NKAIN2: variants seen among roughly 807,000 people sequenced by gnomAD.
NKAIN2 encodes the protein sodium/potassium transporting ATPase interacting 2.
In NKAIN2, 14 loss-of-function variants were observed where a neutral mutation model predicts 32.6. That is an observed-to-expected ratio of 0.43 (90% CI 0.28 to 0.67). The LOEUF is 0.67. Ranked by LOEUF, NKAIN2 falls within the 30% of genes least tolerant of loss-of-function variation. NKAIN2 has a pLI of 0.17. For synonymous variants in NKAIN2, 80 were observed against 87.2 expected (o/e 0.92, Z 0.46); for missense variants, 198 against 258.3 (o/e 0.77, Z 1.60).
intron 3 of NKAIN2, among the ~76,000 whole-genome samples, chr6:124,625,934 T>C (rs887391509): frequency 6.6e-6 from 1 of 151,636 alleles, no homozygotes; most frequent in African/African-American, 2.4e-5. Flanking sequence ...CCAGTTTTTG[T>C]TTTTTTAAAA....
intron 4 of NKAIN2, among the ~76,000 whole-genome samples, chr6:124,769,632 C>T (rs1048035848): frequency 6.6e-6 from 1 of 152,148 alleles, no homozygotes; most frequent in Non-Finnish European, 1.5e-5. Flanking sequence ...TGCACCTAAA[C>T]GATACACTCC....
intron 1 of NKAIN2, among the ~76,000 whole-genome samples, chr6:123,807,333 A>C (rs1355826959): frequency 6.6e-6 from 1 of 152,068 alleles, no homozygotes; most frequent in Non-Finnish European, 1.5e-5. Context: ...TACGTAAAGG[A>C]GTATGATCTC....
intron 1 of NKAIN2, among the ~76,000 whole-genome samples, chr6:123,952,760 C>G (rs1268524260): frequency 6.6e-6 from 1 of 151,934 alleles, no homozygotes; most frequent in African/African-American, 2.4e-5. Context: ...TATGATATCT[C>G]TTTGGGAAAT....
At chr6:124,398,099 A>G (rs1236594035) in intron 3 of NKAIN2, among the ~76,000 whole-genome samples, 1 of 151,540 alleles carries the variant, frequency 6.6e-6, no homozygotes, top group East Asian at 1.9e-4. Context: ...TAAAACTACA[A>G]AAAATTAGCC....
intron 1 of NKAIN2, among the ~76,000 whole-genome samples, chr6:124,176,264 G>A (rs1482932803): frequency 6.6e-6 from 1 of 152,084 alleles, no homozygotes; most frequent in African/African-American, 2.4e-5. Context: ...TCAACTCATG[G>A]TTACTACAGA....
intron 3 of NKAIN2, among the ~76,000 whole-genome samples, chr6:124,600,877 C>T (rs796947556): frequency 3.3e-5 from 5 of 152,002 alleles, no homozygotes; most frequent in African/African-American, 9.6e-5. Context: ...TAGGCCTTCT[C>T]GATTTTTTAA....
chr6:124,518,669 G>A (rs964287843), intron 3 of NKAIN2, among the ~76,000 whole-genome samples: 1 of 152,122 alleles, frequency 6.6e-6, no homozygotes, highest in Non-Finnish European at 1.5e-5. Context: ...CAGCATTGGG[G>A]ATTACAATTT....
chr6:124,109,270 G>C (rs1204979792), intron 1 of NKAIN2, among the ~76,000 whole-genome samples: 4 of 151,846 alleles, frequency 2.6e-5, no homozygotes, highest in African/African-American at 9.6e-5. Context: ...CACCTCCTTA[G>C]TTTATTCTTA....
At chr6:123,939,458 T>A (rs568097169) in intron 1 of NKAIN2, among the ~76,000 whole-genome samples, 1 of 152,066 alleles carries the variant, frequency 6.6e-6, no homozygotes, top group East Asian at 1.9e-4. Context: ...CTTATGGTAG[T>A]TTCTGCTTAA....
intron 1 of NKAIN2, among the ~76,000 whole-genome samples, chr6:123,814,224 A>G (rs962435998): frequency 2.0e-5 from 3 of 152,324 alleles, no homozygotes; most frequent in Admixed American, 6.5e-5. Context: ...CAATGTTTTA[A>G]CATTCATTGT....
At chr6:124,213,548 A>G (rs1422990652) in intron 1 of NKAIN2, among the ~76,000 whole-genome samples, 1 of 152,108 alleles carries the variant, frequency 6.6e-6, no homozygotes, top group Non-Finnish European at 1.5e-5. Context: ...GGAAGAGTTT[A>G]GATAAGTTAT....
At chr6:124,815,097 C>G (rs945911265) in intron 5 of NKAIN2, among the ~76,000 whole-genome samples, 1 of 151,566 alleles carries the variant, frequency 6.6e-6, no homozygotes, top group Non-Finnish European at 1.5e-5. Context: ...CAGTGAAGCT[C>G]TAACTCGGTA....
intron 3 of NKAIN2, among the ~76,000 whole-genome samples, chr6:124,381,402 G>C (rs1772628103): frequency 6.6e-6 from 1 of 152,002 alleles, no homozygotes; most frequent in Non-Finnish European, 1.5e-5. Flanking sequence ...AGTGTAAACT[G>C]GTCTTGAGAT....
intron 1 of NKAIN2, among the ~76,000 whole-genome samples, chr6:123,883,306 G>C (rs911360421): frequency 6.6e-6 from 1 of 151,814 alleles, no homozygotes; most frequent in Non-Finnish European, 1.5e-5. Context: ...CACCACCCCT[G>C]GCTAATTTTT....
intron 3 of NKAIN2, among the ~76,000 whole-genome samples, chr6:124,599,019 A>ATT (rs34952742): frequency 0.19 from 27,436 of 141,828 alleles, 2,734 homozygotes; most frequent in East Asian, 0.33. Flanking sequence ...ACACAAATCT[A>ATT]TTTTTTTTTT....
At chr6:124,705,952 C>T (rs1299927212) in intron 4 of NKAIN2, among the ~76,000 whole-genome samples, 5 of 152,076 alleles carry the variant, frequency 3.3e-5, no homozygotes, top group Admixed American at 2.0e-4. Context: ...CACAAATCCT[C>T]CACACATACT....
At chr6:124,380,562 G>A (rs1386718537) in intron 3 of NKAIN2, among the ~76,000 whole-genome samples, 1 of 152,140 alleles carries the variant, frequency 6.6e-6, no homozygotes, top group African/African-American at 2.4e-5. Context: ...AGCAAGGGCT[G>A]GAAGAAGCCA....
At chr6:123,883,434 T>C (rs912608036) in intron 1 of NKAIN2, among the ~76,000 whole-genome samples, 2 of 151,068 alleles carry the variant, frequency 1.3e-5, no homozygotes, top group Non-Finnish European at 2.9e-5. Context: ...CGTGAGCCAC[T>C]GCACCCGGCG....
At chr6:123,973,158 C>A (rs1224292029) in intron 1 of NKAIN2, among the ~76,000 whole-genome samples, 2 of 152,084 alleles carry the variant, frequency 1.3e-5, no homozygotes, top group African/African-American at 2.4e-5. Context: ...GCTGTTCTCT[C>A]CCTAATATAT....
Sources: gnomAD v4.1 joint callset for allele counts (sites outside exome capture counted in the v4.1 genomes callset) on GRCh38, gnomAD v4.1.1 for gene constraint, MANE v1.5 for transcripts, NCBI Gene and HGNC (gene_info 2026-07-23, HGNC 2026-07-21) for gene names.